PRAMEF20: variants seen among roughly 807,000 people sequenced by gnomAD.
The protein encoded by PRAMEF20 is PRAME family member 20, also known as PRAME family member 20/21.
In PRAMEF20, 27 loss-of-function variants were observed where a neutral mutation model predicts 32.4. The ratio of observed to expected loss-of-function variants is 0.83; its 90% CI spans 0.61 to 1.15. The LOEUF (loss-of-function observed/expected upper bound fraction) is 1.15. Among genes scored for constraint, PRAMEF20 ranks in the 50% most tolerant of loss-of-function variants. The pLI is 0.00. For synonymous variants in PRAMEF20, 256 were observed against 235.4 expected, an observed-to-expected ratio of 1.09 and a Z score of -0.80; for missense variants, 604 against 584.5, an observed-to-expected ratio of 1.03 and a Z score of -0.34.
intron 2 of PRAMEF20, among the ~76,000 whole-genome samples, chr1:13,419,522 C>T (rs1349093770): frequency 4.0e-5 from 6 of 151,530 alleles, no homozygotes; most frequent in Non-Finnish European, 8.8e-5. Context: ...CCAGGGTTCA[C>T]GCCATTCTCC....
At chr1:13,418,698 C>T in exon 2 of PRAMEF20, 1 of 1,613,470 alleles carries the variant, frequency 6.2e-7, no homozygotes, top group Non-Finnish European at 8.5e-7. Context: ...ACCAGATGCT[C>T]AGGTGAGGAA....
upstream of PRAMEF20, among the ~76,000 whole-genome samples, chr1:13,411,391 T>C (rs1641112842): frequency 6.6e-6 from 1 of 151,802 alleles, no homozygotes; most frequent in Non-Finnish European, 1.5e-5. Flanking sequence ...TCCAATTAAT[T>C]GAAATCAGTA....
intron 1 of PRAMEF20, among the ~76,000 whole-genome samples, chr1:13,417,107 A>T (rs1641183672): frequency 1.3e-5 from 2 of 152,172 alleles, no homozygotes; most frequent in African/African-American, 4.8e-5. Context: ...CCAAAGAGTG[A>T]GCGGTAGCAA....
exon 1 of PRAMEF20, chr1:13,416,397 C>T (rs763696662): frequency 1.7e-5 from 27 of 1,613,564 alleles, no homozygotes; most frequent in East Asian, 1.1e-4. Context: ...GCTGGCGGGG[C>T]GGAGCCTGCT....
rs1641178038 is a variant in PRAMEF20, at chr1:13,416,661, C to T, written c.287+20C>T. The T allele has an allele frequency of 1.9e-6, 3 of 1,613,908 alleles. No individual in the cohort carries two copies. Among genetic ancestry groups the T allele is most frequent in the Non-Finnish European group, 2.5e-6 (3 of 1,179,922 alleles). On this transcript the variant is annotated intron_variant, in intron 1 of 2. Transcript: ENST00000602960. ...TCTCAGGTGAGGTGGCCCAAGTGGG[C>T]TGGTGGGGAGGGCCCAGGTGTCCAA...
intron 1 of PRAMEF20, among the ~76,000 whole-genome samples, chr1:13,417,633 C>T (rs899317956): frequency 6.7e-6 from 1 of 150,164 alleles, no homozygotes; most frequent in South Asian, 2.1e-4. Context: ...GGGCAGGATC[C>T]AAGGGTAAAA....
upstream of PRAMEF20, chr1:13,416,206 G>C (rs1416827989): frequency 5.5e-6 from 8 of 1,452,004 alleles, no homozygotes; most frequent in African/African-American, 5.6e-5. Flanking sequence ...ACTGAGTACA[G>C]AGTAGAATTG....
upstream of PRAMEF20, among the ~76,000 whole-genome samples, chr1:13,414,798 TATATA>T (rs1187467590): frequency 2.6e-5 from 4 of 151,672 alleles, no homozygotes; most frequent in East Asian, 5.8e-4. Context: ...TTCTATGTAA[TATATA>T]TATATAGAGA....
chr1:13,412,564 T>C (rs1641124141), upstream of PRAMEF20, among the ~76,000 whole-genome samples: 1 of 152,136 alleles, frequency 6.6e-6, no homozygotes, highest in African/African-American at 2.4e-5. Flanking sequence ...CCCAACATAT[T>C]CACATGTCGT....
chr1:13,412,965 G>C (rs1041731660), upstream of PRAMEF20, among the ~76,000 whole-genome samples: 1 of 152,058 alleles, frequency 6.6e-6, no homozygotes, highest in Non-Finnish European at 1.5e-5. Context: ...TACCACCCAG[G>C]TAATCACTGG....
At chr1:13,417,157 G>A (rs1405637136) in intron 1 of PRAMEF20, among the ~76,000 whole-genome samples, 21 of 152,174 alleles carry the variant, frequency 1.4e-4, no homozygotes, top group Admixed American at 5.9e-4. Context: ...CTTCCACAGC[G>A]TGGAAGGGGA....
intron 1 of PRAMEF20, among the ~76,000 whole-genome samples, chr1:13,417,803 G>A (rs1164487269): frequency 2.1e-5 from 3 of 145,522 alleles, no homozygotes; most frequent in Non-Finnish European, 4.5e-5. Flanking sequence ...GTGCAGTGGC[G>A]CGATCTCAGC....
upstream of PRAMEF20, among the ~76,000 whole-genome samples, chr1:13,414,802 T>A (rs1476928967): frequency 6.6e-6 from 1 of 151,454 alleles, no homozygotes; most frequent in Non-Finnish European, 1.5e-5. Context: ...ATGTAATATA[T>A]ATATATAGAG....
intron 2 of PRAMEF20, among the ~76,000 whole-genome samples, chr1:13,420,395 G>C (rs1641229639): frequency 1.3e-5 from 2 of 152,132 alleles, no homozygotes; most frequent in African/African-American, 2.4e-5. Context: ...ATTTTTAGTA[G>C]ACAGGGTTTT....
At chr1:13,419,875 T>A (rs1486055611) in intron 2 of PRAMEF20, among the ~76,000 whole-genome samples, 2 of 152,192 alleles carry the variant, frequency 1.3e-5, no homozygotes, top group Non-Finnish European at 1.5e-5. Flanking sequence ...TAATTCCCTG[T>A]CATAATGGGT....
At chr1:13,421,012 G>A (rs1641236795) in exon 3 of PRAMEF20, 5 of 1,613,750 alleles carry the variant, frequency 3.1e-6, no homozygotes, top group African/African-American at 1.3e-5. Flanking sequence ...CGGCCACCCT[G>A]GAGAACCTGC....
upstream of PRAMEF20, among the ~76,000 whole-genome samples, chr1:13,413,380 TTTTTGA>T (rs1641132452): frequency 6.6e-6 from 1 of 152,176 alleles, no homozygotes; most frequent in Non-Finnish European, 1.5e-5. Context: ...TTTGTTTTTG[TTTTTGA>T]GATGAATCTA....
At chr1:13,420,592 G>C in intron 2 of PRAMEF20, 105 bp from the exon 4 acceptor site, 1 of 1,505,820 alleles carries the variant, frequency 6.6e-7, no homozygotes, top group South Asian at 1.1e-5. Flanking sequence ...AATGACCCTG[G>C]GCTTGGGCAA....
At chr1:13,411,962 C>G (rs1641118557), upstream of PRAMEF20, among the ~76,000 whole-genome samples, 1 of 152,216 alleles carries the variant, frequency 6.6e-6, no homozygotes, top group East Asian at 1.9e-4. Flanking sequence ...CTCTGGTGTC[C>G]TTTATACCTG....
Sources: gnomAD v4.1 joint callset for allele counts (sites outside exome capture counted in the v4.1 genomes callset) on GRCh38, gnomAD v4.1.1 for gene constraint, MANE v1.5 for transcripts, NCBI Gene and HGNC (gene_info 2026-07-23, HGNC 2026-07-21) for gene names.